The following CDH8 variants were observed in gnomAD, a reference collection of about 807,000 sequenced individuals.
CDH8 encodes the protein cadherin 8.
A neutral mutation model predicts 68.1 loss-of-function variants in CDH8; 17 were observed. That is an observed-to-expected ratio of 0.25 (90% CI 0.17 to 0.37). The LOEUF (loss-of-function observed/expected upper bound fraction) is 0.37. Among genes scored for constraint, CDH8 ranks in the 10% least tolerant of loss-of-function variants. CDH8 has a pLI of 1.00. For missense variants in CDH8, 763 were observed against 999.3 expected, an observed-to-expected ratio of 0.76 and a Z score of 3.19; for synonymous variants, 372 against 365.1, an observed-to-expected ratio of 1.02 and a Z score of -0.21.
chr16:61,715,575 G>A (rs1415341005), intron 9 of CDH8, among the ~76,000 whole-genome samples: 4 of 151,308 alleles, frequency 2.6e-5, no homozygotes, highest in Non-Finnish European at 5.9e-5. Context: ...ATATTTATTA[G>A]GGCCATTGCT....
chr16:61,729,337 T>A (rs1030129733), intron 8 of CDH8, among the ~76,000 whole-genome samples: 3 of 151,120 alleles, frequency 2.0e-5, no homozygotes, highest in Admixed American at 6.6e-5. Flanking sequence ...ATTACTACTA[T>A]CTCCTCAAGA....
intron 10 of CDH8, among the ~76,000 whole-genome samples, chr16:61,687,769 T>A (rs1171177147): frequency 6.6e-6 from 1 of 152,056 alleles, no homozygotes; most frequent in Non-Finnish European, 1.5e-5. Flanking sequence ...GCTTCAGTTT[T>A]ATCTTGAAAA....
chr16:61,655,256 A>G (rs979195738), intron 11 of CDH8, among the ~76,000 whole-genome samples: 2 of 152,180 alleles, frequency 1.3e-5, no homozygotes, highest in African/African-American at 4.8e-5. Flanking sequence ...ATGGAATTGA[A>G]AAAGGCACTG....
intron 10 of CDH8, among the ~76,000 whole-genome samples, chr16:61,671,284 T>A (rs1359874551): frequency 6.6e-6 from 1 of 152,012 alleles, no homozygotes; most frequent in Non-Finnish European, 1.5e-5. Flanking sequence ...GATAGCCCTT[T>A]CACCGTATTC....
At chr16:61,842,808 G>C (rs140572404) in intron 4 of CDH8, among the ~76,000 whole-genome samples, 236 of 152,158 alleles carry the variant, frequency 1.6e-3, no homozygotes, top group African/African-American at 5.6e-3. Context: ...AATACCTTAG[G>C]ATCAAATTAC....
At chr16:61,738,036 A>C (rs1250607595) in intron 8 of CDH8, among the ~76,000 whole-genome samples, 5 of 152,154 alleles carry the variant, frequency 3.3e-5, no homozygotes, top group Non-Finnish European at 2.9e-5. Context: ...TTTAGTGTCT[A>C]ATGAACAAAG....
At chr16:61,773,419 G>A (rs892395089) in intron 8 of CDH8, among the ~76,000 whole-genome samples, 5 of 152,086 alleles carry the variant, frequency 3.3e-5, no homozygotes, top group Non-Finnish European at 7.4e-5. Flanking sequence ...ATGCACAGTT[G>A]GTGCAAATGG....
chr16:61,867,174 T>A (rs898870144), intron 3 of CDH8, among the ~76,000 whole-genome samples: 1 of 152,034 alleles, frequency 6.6e-6, no homozygotes, highest in African/African-American at 2.4e-5. Flanking sequence ...GTTCACAGAG[T>A]TTTTAAAAAA....
At chr16:61,809,057 A>T (rs531925337) in intron 7 of CDH8, among the ~76,000 whole-genome samples, 2 of 152,192 alleles carry the variant, frequency 1.3e-5, no homozygotes, top group Non-Finnish European at 2.9e-5. Context: ...ATGGTGGCCC[A>T]TGCCTGTAAT....
intron 2 of CDH8, among the ~76,000 whole-genome samples, chr16:61,915,957 A>T (rs1656490089): frequency 2.6e-5 from 4 of 152,224 alleles, no homozygotes; most frequent in Non-Finnish European, 5.9e-5. Flanking sequence ...AGACCCTATC[A>T]ATGGGAAATA....
intron 2 of CDH8, among the ~76,000 whole-genome samples, chr16:61,958,352 C>T (rs925733673): frequency 1.3e-5 from 2 of 152,102 alleles, no homozygotes; most frequent in South Asian, 2.1e-4. Flanking sequence ...TGTACCTGTA[C>T]GAGTATGATG....
At chr16:61,821,975 C>G (rs1962224277) in intron 5 of CDH8, among the ~76,000 whole-genome samples, 1 of 151,966 alleles carries the variant, frequency 6.6e-6, no homozygotes, top group Non-Finnish European at 1.5e-5. Context: ...CCTTTAGAAC[C>G]TATTTTGCCC....
chr16:61,771,032 T>G (rs1960764106), intron 8 of CDH8, among the ~76,000 whole-genome samples: 1 of 151,980 alleles, frequency 6.6e-6, no homozygotes, highest in African/African-American at 2.4e-5. Context: ...AATAAAAAGA[T>G]ATCAAATTCA....
intron 3 of CDH8, among the ~76,000 whole-genome samples, chr16:61,880,788 A>G (rs1396843530): frequency 6.6e-6 from 1 of 152,188 alleles, no homozygotes; most frequent in African/African-American, 2.4e-5. Context: ...CTTTGAATCA[A>G]TAACATTCAG....
intron 8 of CDH8, among the ~76,000 whole-genome samples, chr16:61,740,584 C>T (rs983589178): frequency 6.6e-6 from 1 of 152,138 alleles, no homozygotes; most frequent in Admixed American, 6.6e-5. Context: ...AAGATAACCT[C>T]TACTTGGTTT....
chr16:61,853,802 C>A (rs1012761295), intron 4 of CDH8, among the ~76,000 whole-genome samples: 2 of 151,858 alleles, frequency 1.3e-5, no homozygotes, highest in African/African-American at 4.8e-5. Flanking sequence ...TGTTTTTGAC[C>A]CATAGCATGC....
At chr16:61,858,038 G>A (rs1215307803) in intron 3 of CDH8, among the ~76,000 whole-genome samples, 3 of 151,368 alleles carry the variant, frequency 2.0e-5, no homozygotes, top group African/African-American at 7.3e-5. Context: ...GCCTCCCCAA[G>A]TATATTGTTG....
chr16:61,675,356 A>G (rs1267421528), intron 10 of CDH8, among the ~76,000 whole-genome samples: 1 of 150,036 alleles, frequency 6.7e-6, no homozygotes, highest in Non-Finnish European at 1.5e-5. Context: ...AGAACAAAAA[A>G]CCAAACACCG....
intron 10 of CDH8, among the ~76,000 whole-genome samples, chr16:61,675,417 T>G (rs1338207400): frequency 2.5e-5 from 3 of 120,396 alleles, no homozygotes; most frequent in South Asian, 5.5e-4. Context: ...CATGGACACA[T>G]GAAGGGGAAT....
Sources: gnomAD v4.1 joint callset for allele counts (sites outside exome capture counted in the v4.1 genomes callset) on GRCh38, gnomAD v4.1.1 for gene constraint, MANE v1.5 for transcripts, NCBI Gene and HGNC (gene_info 2026-07-23, HGNC 2026-07-21) for gene names.